PLXDC2: variants seen among roughly 807,000 people sequenced by gnomAD.
PLXDC2 encodes plexin domain containing 2.
In PLXDC2, 40 loss-of-function variants were observed where a neutral mutation model predicts 68.9. The ratio of observed to expected loss-of-function variants is 0.58; its 90% CI spans 0.45 to 0.76. The LOEUF (loss-of-function observed/expected upper bound fraction) is 0.76, where lower values mean the gene tolerates loss of function less well. Ranked by LOEUF, PLXDC2 falls within the 30% of genes least tolerant of loss-of-function variation. The pLI, the probability that PLXDC2 is intolerant of heterozygous loss-of-function variation, is 0.00. For missense variants in PLXDC2, 644 were observed against 661.9 expected (o/e 0.97, Z 0.30); for synonymous variants, 243 against 234.2 (o/e 1.04, Z -0.34).
At chr10:20,218,707 T>C (rs1835172320) in intron 11 of PLXDC2, among the ~76,000 whole-genome samples, 1 of 152,102 alleles carries the variant, frequency 6.6e-6, no homozygotes, top group Non-Finnish European at 1.5e-5. Flanking sequence ...GATCTTGATT[T>C]TTTAAAATGA....
At position 20,111,141 on chromosome 10, in the gene PLXDC2, G is replaced by A. The variant is rs369930816; in HGVS notation, c.542-32154G>A. ...CAGATGGGGTTATGATGACAGATAC[G>A]TCCCCTGCTCTAGAGGAATGTTCAG... On this transcript the variant is annotated intron_variant, in intron 4 of 13. Coordinates refer to ENST00000377252, the MANE Select transcript of PLXDC2 (RefSeq NM_032812.9). Among the ~76,000 whole-genome samples, 45 of 152,316 alleles carry A rather than the reference G, an allele frequency of 3.0e-4. 1 individual carries two copies. Among genetic ancestry groups the A allele is most frequent in the African/African-American group, 1.0e-3 (43 of 41,554 alleles).
intron 4 of PLXDC2, among the ~76,000 whole-genome samples, chr10:20,112,311 G>A (rs2131749298): frequency 6.8e-6 from 1 of 147,480 alleles, no homozygotes; most frequent in East Asian, 2.1e-4. Flanking sequence ...TTCAGTTACT[G>A]AACTTAAATT....
intron 4 of PLXDC2, among the ~76,000 whole-genome samples, chr10:20,121,240 G>A (rs2262890): frequency 0.32 from 48,846 of 152,036 alleles, 10,333 homozygotes; most frequent in Non-Finnish European, 0.48. Flanking sequence ...GTATTAGGGC[G>A]GCAGCAGCCA....
At chr10:20,245,595 G>A (rs1835583264) in intron 13 of PLXDC2, 90 bp downstream of exon 13, 1 of 1,399,132 alleles carries the variant, frequency 7.1e-7, no homozygotes, top group African/African-American at 1.5e-5. Flanking sequence ...TTTACCACAT[G>A]GCTTCTCCAT....
chr10:20,240,886 C>T (rs1194069682), intron 12 of PLXDC2, among the ~76,000 whole-genome samples: 1 of 152,138 alleles, frequency 6.6e-6, no homozygotes, highest in African/African-American at 2.4e-5. Flanking sequence ...GAGTATGCTA[C>T]ATTTTTCCTT....
chr10:20,267,930 C>A lies in PLXDC2; in HGVS notation c.1474-11773C>A, dbSNP rs114776050. The stretch of plus-strand genomic sequence containing the variant: ...ATAATATCATTACCATGGTTATCAG[C>A]ACTTCCTTATCACAGGATGAATGCA... On this transcript the variant is annotated intron_variant, in intron 13 of 13. Coordinates refer to ENST00000377252, the MANE Select transcript of PLXDC2 (RefSeq NM_032812.9). Among the ~76,000 whole-genome samples, 704 of 151,870 alleles carry A rather than the reference C, an allele frequency of 4.6e-3. 8 individuals are homozygous for A. The highest frequency in any genetic ancestry group is 0.014 in the African/African-American group (575 of 41,412).
At chr10:19,819,031 T>TACACACAC (rs63295361) in intron 1 of PLXDC2, among the ~76,000 whole-genome samples, 3,913 of 147,794 alleles carry the variant, frequency 0.026, 81 homozygotes, top group African/African-American at 0.063. Flanking sequence ...AATATATGTA[T>TACACACAC]ACACACACAC....
intron 4 of PLXDC2, among the ~76,000 whole-genome samples, chr10:20,100,571 C>G (rs1589629184): frequency 6.6e-6 from 1 of 152,110 alleles, no homozygotes; most frequent in East Asian, 1.9e-4. Context: ...TACGGTTGCT[C>G]TGGACATGTC....
chr10:19,947,566 C>T (rs1329781996), intron 1 of PLXDC2, among the ~76,000 whole-genome samples: 1 of 152,196 alleles, frequency 6.6e-6, no homozygotes, highest in Non-Finnish European at 1.5e-5. Context: ...ATTAGATCCA[C>T]ATTTCTTTTT....
At chr10:20,010,588 A>T (rs1036341729) in intron 2 of PLXDC2, among the ~76,000 whole-genome samples, 1 of 152,218 alleles carries the variant, frequency 6.6e-6, no homozygotes, top group Non-Finnish European at 1.5e-5. Context: ...TTTCTCTTTG[A>T]TGCTTCACTG....
At chr10:20,216,948 T>A (rs1835145458) in intron 10 of PLXDC2, among the ~76,000 whole-genome samples, 1 of 152,240 alleles carries the variant, frequency 6.6e-6, no homozygotes, top group African/African-American at 2.4e-5. Context: ...TGACAGATGA[T>A]TTTTGAAACA....
rs139925562 is a variant in PLXDC2, at chr10:19,970,229, C to T, written c.113-31546C>T. On this transcript the variant is annotated intron_variant, in intron 1 of 13. Coordinates refer to ENST00000377252, the MANE Select transcript of PLXDC2 (RefSeq NM_032812.9). ...TGGTTTGTATTTTATTAGTTTATTC[C>T]GGTCATGAATGACTGATTTATTGTT... is the stretch of plus-strand genomic sequence containing the variant. Among the ~76,000 whole-genome samples, 100 of 152,234 alleles carry T rather than the reference C, an allele frequency of 6.6e-4. No individual in the cohort carries two copies. In the South Asian group the frequency reaches 7.1e-3, roughly 11 times the overall value.
chr10:20,143,464 C>T (rs778577728), intron 5 of PLXDC2, 47 bp downstream of exon 5: 2 of 1,603,650 alleles, frequency 1.2e-6, no homozygotes, highest in South Asian at 2.2e-5. Flanking sequence ...ATTTTTAAAC[C>T]TCAAGCATCA....
chr10:19,908,134 G>T (rs1489833397), intron 1 of PLXDC2, among the ~76,000 whole-genome samples: 5 of 151,956 alleles, frequency 3.3e-5, no homozygotes, highest in Admixed American at 3.3e-4. Context: ...ATTTTTAGAT[G>T]GATGTTTTTA....
intron 1 of PLXDC2, among the ~76,000 whole-genome samples, chr10:19,958,463 A>G (rs1834105578): frequency 6.6e-6 from 1 of 152,204 alleles, no homozygotes. Flanking sequence ...ACATCTAAAC[A>G]TGTAAATCTG....
At chr10:19,857,383 A>T (rs1278775954) in intron 1 of PLXDC2, among the ~76,000 whole-genome samples, 1 of 152,214 alleles carries the variant, frequency 6.6e-6, no homozygotes, top group Non-Finnish European at 1.5e-5. Context: ...TTGCAAACTG[A>T]ACCCAATCAA....
At chr10:20,156,732 A>C (rs1834222308) in intron 6 of PLXDC2, among the ~76,000 whole-genome samples, 1 of 152,148 alleles carries the variant, frequency 6.6e-6, no homozygotes, top group Non-Finnish European at 1.5e-5. Context: ...ACGCTGTTAG[A>C]TGCATTGCTC....
intron 1 of PLXDC2, among the ~76,000 whole-genome samples, chr10:19,888,523 A>C (rs1205676789): frequency 6.6e-6 from 1 of 152,226 alleles, no homozygotes; most frequent in African/African-American, 2.4e-5. Flanking sequence ...GAAGAAAAGC[A>C]AGTCAGTGGA....
intron 3 of PLXDC2, among the ~76,000 whole-genome samples, chr10:20,058,837 G>A (rs1266884573): frequency 6.6e-6 from 1 of 152,166 alleles, no homozygotes; most frequent in African/African-American, 2.4e-5. Context: ...TTCTGTCAAT[G>A]GAAAATTTTA....
Sources: gnomAD v4.1 joint callset for allele counts (sites outside exome capture counted in the v4.1 genomes callset) on GRCh38, gnomAD v4.1.1 for gene constraint, MANE v1.5 for transcripts, NCBI Gene and HGNC (gene_info 2026-07-23, HGNC 2026-07-21) for gene names.